Variants in EXOSC9 observed in about 807,000 individuals in gnomAD.
EXOSC9 encodes the protein exosome complex component RRP45.
EXOSC9 carries 38 observed loss-of-function variants against 56.5 expected under a neutral mutation model. The observed-to-expected ratio is 0.67, with a 90% CI of 0.52 to 0.88. EXOSC9 has a LOEUF of 0.88. Ranked by LOEUF, EXOSC9 falls within the 40% of genes least tolerant of loss-of-function variation. The pLI is 0.00. For missense variants in EXOSC9, 559 were observed against 530.5 expected, an observed-to-expected ratio of 1.05 and a Z score of -0.53; for synonymous variants, 170 against 170.8, an observed-to-expected ratio of 0.99 and a Z score of 0.04.
At chr4:121,803,513 T>G (rs1010275057) in intron 4 of EXOSC9, among the ~76,000 whole-genome samples, 8 of 152,112 alleles carry the variant, frequency 5.3e-5, no homozygotes, top group African/African-American at 1.9e-4. Flanking sequence ...TTGTGCTGCA[T>G]TAGGATATTA....
intron 2 of EXOSC9, 92 bp downstream of exon 2, chr4:121,802,013 C>T: frequency 1.1e-6 from 1 of 909,702 alleles, no homozygotes. Flanking sequence ...GCTAAGAAGT[C>T]TGGACAGTAT....
At position 121,802,019 on chromosome 4, in the gene EXOSC9, A is replaced by G; in HGVS notation, c.161+98A>G. The G allele has an allele frequency of 5.8e-6, 5 of 863,798 alleles. No homozygotes were observed. In the South Asian group the frequency reaches 6.1e-5, roughly 11 times the overall value. 53.5% of individuals were successfully genotyped at this position (863,798 alleles called of 1,614,324 possible). Reference sequence around the variant, plus strand: ...TATAAAGCAGCTAAGAAGTCTGGACAGTATTCTTTGTTTAGCTGACAAAAA... The same window carrying G: ...TATAAAGCAGCTAAGAAGTCTGGACGGTATTCTTTGTTTAGCTGACAAAAA... On this transcript the variant is annotated intron_variant, in intron 2 of 11. Coordinates refer to ENST00000243498, the MANE Select transcript of EXOSC9 (RefSeq NM_005033.3).
chr4:121,816,882 A>G lies in EXOSC9; in HGVS notation c.*26A>G, dbSNP rs755844142. 8.6e-6 allele frequency: 13 copies of G among 1,515,224 alleles called. No homozygotes were observed. The highest frequency in any genetic ancestry group is 1.3e-5 in the South Asian group (1 of 79,136). The allele number at this position is 1,515,224 out of a possible 1,614,324, so 93.9% of individuals were successfully genotyped here. ...AGCTAACAGTTGTATATCTGTATAT[A>G]TAACTATTAAAAGGGATATTTATTC... is the stretch of plus-strand genomic sequence containing the variant. On this transcript the variant is annotated 3_prime_UTR_variant, in exon 12 of 12. Transcript: ENST00000243498.
intron 1 of EXOSC9, 140 bp downstream of exon 1, chr4:121,801,630 AT>A (rs1170940028): frequency 2.1e-5 from 18 of 869,504 alleles, no homozygotes; most frequent in Non-Finnish European, 3.2e-5. Context: ...GGCTTTATTT[AT>A]TTTTTTTCGA....
Position 121,813,337 on chromosome 4 carries a change from A to G in EXOSC9, c.931A>G (p.Lys311Glu). 6.2e-7 allele frequency: 1 copy of G among 1,613,768 alleles called. No individual in the cohort carries two copies. Among genetic ancestry groups the G allele is most frequent in the Non-Finnish European group, 8.5e-7 (1 of 1,179,826 alleles). ...TATTGATACCTCGGATGTAGAAGAA[A>G]AAGCAGAAGAAATCATTGCTGAAGC... Reference protein sequence around the residue: ...APIDTSDVEEKAEEIIAEAEP... With the variant: ...APIDTSDVEEEAEEIIAEAEP... Residue 311 changes from lysine (K) to glutamate (E), a missense_variant, in exon 9 of 12, where the codon AAA becomes GAA. By Grantham distance (56) the Lys-to-Glu change is moderately conservative. Transcript: ENST00000243498.
chr4:121,809,874 C>T, intron 6 of EXOSC9, 93 bp from the exon 7 acceptor site: 2 of 1,437,562 alleles, frequency 1.4e-6, no homozygotes, highest in South Asian at 2.3e-5. Context: ...TCTCTGTTGA[C>T]TTTATTGATG....
intron 9 of EXOSC9, 105 bp from the exon 10 acceptor site, chr4:121,813,761 G>C: frequency 1.3e-6 from 1 of 797,938 alleles, no homozygotes; most frequent in Non-Finnish European, 2.0e-6. Flanking sequence ...CTAGGAACTT[G>C]GGGCACACTT....
At chr4:121,816,306 A>G (rs1724501260) in intron 10 of EXOSC9, 63 bp from the exon 11 acceptor site, 2 of 935,182 alleles carry the variant, frequency 2.1e-6, no homozygotes, top group East Asian at 6.0e-5. Context: ...TTCATGTAGA[A>G]ATAAATTTTG....
rs1727053926 is a variant in EXOSC9, at chr4:121,807,413, AAAG to A, written c.523-123_523-121del. 8.1e-6 allele frequency: 4 copies of A among 496,168 alleles called. No homozygotes were observed. In the South Asian group the frequency reaches 1.7e-4, roughly 22 times the overall value. 30.7% of individuals were successfully genotyped at this position (496,168 alleles called of 1,614,324 possible). ...GCAAAATCAAACTGGTAATTAATTA[AAAG>A]AAGTTATTTAGGTACTCAAAAGAAT... On this transcript the variant is annotated intron_variant, in intron 5 of 11. Transcript: ENST00000243498.
intron 6 of EXOSC9, among the ~76,000 whole-genome samples, chr4:121,808,654 T>G (rs1231583091): frequency 6.6e-6 from 1 of 151,894 alleles, no homozygotes; most frequent in African/African-American, 2.4e-5. Context: ...TGAGCCACCA[T>G]GCCTGGCTGT....
Position 121,809,971 on chromosome 4 carries a change from T to C in EXOSC9, c.610T>C (p.Tyr204His). The part of the protein sequence containing the change: ...VSFAFFQQGT[Y>H]LLVDPNEREE... The stretch of plus-strand genomic sequence containing the variant: ...TCCATTTAACATTCATTTCAGAACA[T>C]ATTTATTGGTGGATCCCAATGAACG... Residue 204 changes from tyrosine (Y) to histidine (H), a missense_variant, in exon 7 of 12, where the codon TAT (tyrosine) becomes CAT (histidine). Physicochemically the swap from Tyr to His is moderately conservative, Grantham distance 83 (BLOSUM62 2). Transcript: ENST00000243498. The C allele has an allele frequency of 6.2e-7, 1 of 1,614,122 alleles. No individual in the cohort carries two copies. The highest frequency in any genetic ancestry group is 1.1e-5 in the South Asian group (1 of 91,082).
intron 8 of EXOSC9, among the ~76,000 whole-genome samples, chr4:121,812,438 A>C (rs1727238817): frequency 6.6e-6 from 1 of 152,186 alleles, no homozygotes; most frequent in African/African-American, 2.4e-5. Context: ...TGGACTTGTT[A>C]TATTTTCTGC....
At chr4:121,812,781 G>A (rs568377089) in intron 8 of EXOSC9, among the ~76,000 whole-genome samples, 2 of 152,306 alleles carry the variant, frequency 1.3e-5, no homozygotes, top group African/African-American at 2.4e-5. Flanking sequence ...GTGAGCCACC[G>A]TGCCTGGAGA....
chr4:121,813,803 C>G, intron 9 of EXOSC9, 63 bp from the exon 10 acceptor site: 2 of 1,223,494 alleles, frequency 1.6e-6, no homozygotes, highest in Non-Finnish European at 2.3e-6. Context: ...AACTTTCATT[C>G]TCATCTTCAA....
At chr4:121,811,498 T>C (rs1433757468) in intron 7 of EXOSC9, 85 bp from the exon 8 acceptor site, 5 of 682,250 alleles carry the variant, frequency 7.3e-6, no homozygotes, top group Non-Finnish European at 1.2e-5. Context: ...ATTATAAAGG[T>C]AGAAAAATTT....
chr4:121,806,238 C>T (rs562099161), intron 5 of EXOSC9, among the ~76,000 whole-genome samples: 10 of 152,012 alleles, frequency 6.6e-5, no homozygotes, highest in Admixed American at 6.5e-5. Flanking sequence ...CTGCAGCCTC[C>T]GCCTCCCGGA....
rs755322508 is a variant in EXOSC9 at position 121,814,037 on chromosome 4, T to C, written c.1146T>C (p.Ile382=). 6.2e-7 allele frequency: 1 copy of C among 1,609,356 alleles called. No homozygotes were observed. Among genetic ancestry groups the C allele is most frequent in the East Asian group, 2.2e-5 (1 of 44,700 alleles). The change falls in exon 10 of 12, where the codon ATT becomes ATC. Residue 382 remains isoleucine (I), a synonymous_variant. Coordinates refer to ENST00000243498, the MANE Select transcript of EXOSC9 (RefSeq NM_005033.3). ...ACACTGGAGTAGAAGTCTCTGATAT[T>C]GGAAGCCAAGGTAGGTGACACTTTA... The part of the protein sequence containing the change: ...KMDTGVEVSD[I]GSQDAPIILS...
chr4:121,808,290 G>A (rs778049761), intron 6 of EXOSC9, among the ~76,000 whole-genome samples: 6 of 152,144 alleles, frequency 3.9e-5, no homozygotes, highest in African/African-American at 1.4e-4. Context: ...TAAGTGTAGA[G>A]TTTTATCAGA....
chr4:121,816,348 T>TTA, intron 10 of EXOSC9, 21 bp from the exon 11 acceptor site: 1 of 1,327,848 alleles, frequency 7.5e-7, no homozygotes, highest in Non-Finnish European at 1.0e-6. Context: ...TTTTTTTTTT[T>TTA]AAATTAATAA....
Sources: allele counts gnomAD v4.1 joint callset (sites outside exome capture counted in the v4.1 genomes callset), GRCh38; gene constraint gnomAD v4.1.1; transcripts MANE v1.5; gene names NCBI Gene and HGNC (gene_info 2026-07-23, HGNC 2026-07-21).